Variants in NRIP3 observed in about 807,000 individuals in gnomAD.
The protein encoded by NRIP3 is nuclear receptor interacting protein 3.
In NRIP3, 31 loss-of-function variants were observed where a neutral mutation model predicts 29.0. The observed-to-expected ratio is 1.07, with a 90% CI of 0.80 to 1.44. NRIP3 has a LOEUF of 1.44. Among genes scored for constraint, NRIP3 ranks in the 40% most tolerant of loss-of-function variants. The probability of loss-of-function intolerance (pLI) is 0.00; values close to 1 mark genes in which losing one functional copy is unlikely to be tolerated. For synonymous variants in NRIP3, 131 were observed against 118.3 expected, an observed-to-expected ratio of 1.11 and a Z score of -0.70; for missense variants, 314 against 297.9, an observed-to-expected ratio of 1.05 and a Z score of -0.40.
intron 1 of NRIP3, among the ~76,000 whole-genome samples, chr11:8,999,535 T>C (rs1043194278): frequency 6.6e-6 from 1 of 152,136 alleles, no homozygotes; most frequent in Non-Finnish European, 1.5e-5. Flanking sequence ...AAAACCCAAA[T>C]GCATAGGTAT....
chr11:9,001,387 G>C (rs1004851830), intron 1 of NRIP3, among the ~76,000 whole-genome samples: 4 of 152,114 alleles, frequency 2.6e-5, no homozygotes, highest in African/African-American at 9.7e-5. Flanking sequence ...AGAAATCCCA[G>C]CGGTATATTC....
chr11:8,988,084 G>T (rs1158247685), intron 2 of NRIP3, 34 bp downstream of exon 2: 1 of 1,608,196 alleles, frequency 6.2e-7, no homozygotes, highest in African/African-American at 1.3e-5. Context: ...CTACTTTCCA[G>T]AAAACCCTGG....
Position 8,987,575 on chromosome 11 carries a change from A to G in NRIP3, c.395T>C (p.Ile132Thr), listed in dbSNP as rs1417862148. 1.9e-6 allele frequency: 3 copies of G among 1,613,942 alleles called. No homozygotes were observed. Among genetic ancestry groups the G allele is most frequent in the African/African-American group, 2.7e-5 (2 of 74,920 alleles). The change falls in exon 3 of 7, where the codon ATC (isoleucine) becomes ACC (threonine). Residue 132 changes from isoleucine (I) to threonine (T), a missense_variant. Physicochemically the swap from Ile to Thr is moderately conservative, Grantham distance 89. Transcript: ENST00000309166. ...LVDTGCLYNLISLACVDRLGL... is the reference protein window; with the variant it reads ...LVDTGCLYNLTSLACVDRLGL... Reference sequence around the variant, plus strand: ...CAATCTGTCCACACAGGCCAAAGAGATGAGATTATATAGGCAGCCTGTGTC... The same window carrying G: ...CAATCTGTCCACACAGGCCAAAGAGGTGAGATTATATAGGCAGCCTGTGTC...
At chr11:8,998,912 G>A (rs990684441) in intron 1 of NRIP3, among the ~76,000 whole-genome samples, 1 of 147,162 alleles carries the variant, frequency 6.8e-6, no homozygotes, top group African/African-American at 2.5e-5. Flanking sequence ...TCCTGCCTCA[G>A]CCTCCCGAGT....
intron 1 of NRIP3, among the ~76,000 whole-genome samples, chr11:8,995,009 C>T (rs1487089125): frequency 1.3e-5 from 2 of 152,034 alleles, no homozygotes; most frequent in Non-Finnish European, 2.9e-5. Context: ...GTAAATTATC[C>T]CACTGATATT....
chr11:8,986,496 T>C (rs1190847881), intron 3 of NRIP3, among the ~76,000 whole-genome samples: 1 of 152,224 alleles, frequency 6.6e-6, no homozygotes, highest in Non-Finnish European at 1.5e-5. Context: ...CGAGCTATTA[T>C]GGGTTGGTGG....
chr11:8,994,238 A>G (rs1489764855), intron 1 of NRIP3, among the ~76,000 whole-genome samples: 1 of 152,144 alleles, frequency 6.6e-6, no homozygotes, highest in Admixed American at 6.5e-5. Flanking sequence ...CTACACTAAC[A>G]CCATCAATTG....
chr11:9,003,827 G>A lies in NRIP3; in HGVS notation c.109C>T (p.His37Tyr). 1 of 1,521,326 alleles carries A rather than the reference G, an allele frequency of 6.6e-7. No individual in the cohort carries two copies. The highest frequency in any genetic ancestry group is 8.8e-7 in the Non-Finnish European group (1 of 1,136,010). The allele number at this position is 1,521,326 out of a possible 1,614,324, so 94.2% of individuals were successfully genotyped here. ...RRMKQAVQFIHKDSADLLPLD... is the reference protein window; with the variant it reads ...RRMKQAVQFIYKDSADLLPLD... ...GGCAGCAGGTCGGCGGAGTCCTTGT[G>A]GATGAACTGCACCGCCTGCTTCATC... Residue 37 changes from histidine (H) to tyrosine (Y), a missense_variant, in exon 1 of 7, where the codon CAC becomes TAC. His to Tyr is a moderately conservative substitution (Grantham distance 83). Transcript: ENST00000309166.
Position 8,985,648 on chromosome 11 carries a change from T to G in NRIP3, c.562+63A>C. On this transcript the variant is annotated intron_variant, in intron 4 of 6. Transcript: ENST00000309166. Reference sequence around the variant, plus strand: ...TACAGGCATGAGATGACATGAGGTTTTGTTGGGGGTAGGGAGAGGGTTTCC... The same window carrying G: ...TACAGGCATGAGATGACATGAGGTTGTGTTGGGGGTAGGGAGAGGGTTTCC... 3.2e-6 allele frequency: 5 copies of G among 1,562,552 alleles called. No individual in the cohort carries two copies. In the South Asian group the frequency reaches 5.9e-5, roughly 18 times the overall value.
rs1397096335 is a variant in NRIP3, at chr11:8,985,187, T to TG, written c.562+523dup. On this transcript the variant is annotated intron_variant, in intron 4 of 6. Coordinates refer to ENST00000309166, the MANE Select transcript of NRIP3 (RefSeq NM_020645.3). ...GAATTTTTTTTTTTTTTTTTTTTTT[T>TG]GAGACGGAGTCTTGTTCTGTCGCCC... 5.4e-4 allele frequency among the ~76,000 whole-genome samples: 49 copies of TG among 90,534 alleles called. No individual in the cohort carries two copies. The South Asian group carries it at 0.016, about 30-fold the overall frequency. 59.4% of individuals were successfully genotyped at this position (90,534 alleles called of 152,430 possible).
At chr11:8,985,624 A>T in intron 4 of NRIP3, 87 bp downstream of exon 4, 1 of 1,492,080 alleles carries the variant, frequency 6.7e-7, no homozygotes. Flanking sequence ...GTCAATATTT[A>T]CAGGCATGAG....
chr11:8,996,678 A>T (rs1161221573), intron 1 of NRIP3, among the ~76,000 whole-genome samples: 1 of 152,180 alleles, frequency 6.6e-6, no homozygotes, highest in Non-Finnish European at 1.5e-5. Flanking sequence ...TCCCCAGTCT[A>T]TGACTGTTTT....
At position 8,992,648 on chromosome 11, in the gene NRIP3, C is replaced by T. The variant is rs566689056; in HGVS notation, c.175-4366G>A. ...ATCTGGGGCCGGGCGCAGTGGCTCA[C>T]GTCTGTAATCCCAGCACTTTGGGAG... On this transcript the variant is annotated intron_variant, in intron 1 of 6. Transcript: ENST00000309166. Among the ~76,000 whole-genome samples, 136 of 152,070 alleles carry T rather than the reference C, an allele frequency of 8.9e-4. 1 individual carries two copies. The highest frequency in any genetic ancestry group is 1.7e-3 in the Non-Finnish European group (113 of 68,012).
At position 8,985,603 on chromosome 11, in the gene NRIP3, A is replaced by G. The variant is rs1589958733; in HGVS notation, c.562+108T>C. The G allele has an allele frequency of 4.2e-6, 6 of 1,420,100 alleles. No individual in the cohort carries two copies. The East Asian group carries it at 7.0e-5, about 17-fold the overall frequency. 88.0% of individuals were successfully genotyped at this position (1,420,100 alleles called of 1,614,324 possible). A position where few individuals can be genotyped will look rare whatever the true frequency, so the allele number is the denominator to read the frequency against. ...TCTACAGTACAAAAAAATGGGAACC[A>G]TTTTGAAAAAGTCAATATTTACAGG... On this transcript the variant is annotated intron_variant, in intron 4 of 6. Transcript: ENST00000309166.
In NRIP3 at chr11:9,003,943, G is replaced by A; in HGVS notation, c.-8C>T. 2.0e-6 allele frequency: 3 copies of A among 1,481,796 alleles called. No homozygotes were observed. Among genetic ancestry groups the A allele is most frequent in the Middle Eastern group, 2.4e-4 (1 of 4,204 alleles). 91.8% of individuals were successfully genotyped at this position (1,481,796 alleles called of 1,614,324 possible). A position where few individuals can be genotyped will look rare whatever the true frequency, so the allele number is the denominator to read the frequency against. ...GAGCCCTGAGTAAAACATCGCTGAG[G>A]CGCCGGCGGCCCGGTAGCCCACAGC... On this transcript the variant is annotated 5_prime_UTR_variant, in exon 1 of 7. Transcript: ENST00000309166.
At chr11:9,002,534 T>G (rs112631204) in intron 1 of NRIP3, among the ~76,000 whole-genome samples, 10 of 151,258 alleles carry the variant, frequency 6.6e-5, no homozygotes, top group Non-Finnish European at 1.2e-4. Context: ...AGAAAAATTT[T>G]TGTATATTAT....
At chr11:8,998,106 T>G (rs987259096) in intron 1 of NRIP3, among the ~76,000 whole-genome samples, 3 of 152,210 alleles carry the variant, frequency 2.0e-5, no homozygotes, top group African/African-American at 7.2e-5. Context: ...AAACATGGAC[T>G]CCTGAGTCAA....
In NRIP3 at chr11:8,988,257, CGCCTCTG is replaced by C. The variant is rs1438396346; in HGVS notation, c.193_199del (p.Gln65AlafsTer33). ...CTTAGACAGGTTGGTTTCCATGAGG[CGCCTCTG>C]CAGAATATTATGAGGTTGCTTGAGG... On this transcript the variant is annotated frameshift_variant, in exon 2 of 7. Transcript: ENST00000309166. LOFTEE classifies it high-confidence loss of function. 49 of 1,613,934 alleles carry C rather than the reference CGCCTCTG, an allele frequency of 3.0e-5. No individual in the cohort carries two copies. Among genetic ancestry groups the C allele is most frequent in the Non-Finnish European group, 4.1e-5 (48 of 1,179,980 alleles).
intron 1 of NRIP3, 56 bp from the exon 2 acceptor site, chr11:8,988,338 T>C (rs1854550371): frequency 2.7e-6 from 4 of 1,455,796 alleles, no homozygotes; most frequent in Admixed American, 1.8e-5. Context: ...CTCTTTCCCA[T>C]TGTCCCCCAG....
Sources: allele counts gnomAD v4.1 joint callset (sites outside exome capture counted in the v4.1 genomes callset), GRCh38; gene constraint gnomAD v4.1.1; transcripts MANE v1.5; gene names NCBI Gene and HGNC (gene_info 2026-07-23, HGNC 2026-07-21).